PRPF6: variants seen among roughly 807,000 people sequenced by gnomAD.
PRPF6 encodes pre-mRNA-processing factor 6.
PRPF6 carries 42 observed loss-of-function variants against 118.3 expected under a neutral mutation model. The observed-to-expected ratio is 0.35, with a 90% CI of 0.28 to 0.46. The LOEUF is 0.46. Ranked by LOEUF, PRPF6 falls within the 20% of genes least tolerant of loss-of-function variation. PRPF6 has a pLI of 1.00. For missense variants in PRPF6, 662 were observed against 1,255.7 expected, an observed-to-expected ratio of 0.53 and a Z score of 7.15; for synonymous variants, 481 against 485.1, an observed-to-expected ratio of 0.99 and a Z score of 0.11.
chr20:64,024,999 C>A (rs947306874), intron 14 of PRPF6, among the ~76,000 whole-genome samples: 1 of 152,140 alleles, frequency 6.6e-6, no homozygotes, highest in Non-Finnish European at 1.5e-5. Context: ...TGTATTCAGA[C>A]CGCCTCACTG....
chr20:64,021,734 C>CGT (rs1405060314), intron 12 of PRPF6, among the ~76,000 whole-genome samples: 3 of 64,020 alleles, frequency 4.7e-5, no homozygotes, highest in African/African-American at 6.4e-5. Context: ...CGTGTGTGTG[C>CGT]GTGTGTGTGT....
chr20:64,016,740 C>T lies in PRPF6; in HGVS notation c.1542C>T (p.Asp514=), dbSNP rs766538041. The T allele has an allele frequency of 1.9e-6, 3 of 1,613,908 alleles. No homozygotes were observed. Among genetic ancestry groups the T allele is most frequent in the Admixed American group, 3.3e-5 (2 of 59,978 alleles). The change falls in exon 12 of 21, where the codon GAC becomes GAT. Residue 514 remains aspartate (D), a synonymous_variant. Transcript: ENST00000266079. ...TCTTTCAGGATGCCGAGGAATGTGACAGGGCTGGGAGTGTGGCCACCTGCC... is the reference window on the plus strand; with the variant it reads ...TCTTTCAGGATGCCGAGGAATGTGATAGGGCTGGGAGTGTGGCCACCTGCC... ...EQWIQDAEEC[D]RAGSVATCQA...
intron 20 of PRPF6, 77 bp downstream of exon 20, chr20:64,032,121 A>G (rs549545620): frequency 6.2e-7 from 1 of 1,605,720 alleles, no homozygotes; most frequent in African/African-American, 1.3e-5. Flanking sequence ...TGGGGGCTCT[A>G]GGAGGTGGCC....
intron 1 of PRPF6, 152 bp downstream of exon 1, chr20:63,981,468 G>T: frequency 2.7e-6 from 2 of 741,574 alleles, no homozygotes; most frequent in Non-Finnish European, 4.4e-6. Flanking sequence ...GGGCTTTGGG[G>T]TCAGGACATA....
intron 9 of PRPF6, among the ~76,000 whole-genome samples, chr20:64,007,761 T>G (rs2059197358): frequency 6.6e-6 from 1 of 151,816 alleles, no homozygotes; most frequent in Middle Eastern, 3.2e-3. Context: ...ACCACCACAA[T>G]CAGCTGCCTG....
chr20:64,013,645 G>T (rs1443346274), intron 11 of PRPF6, among the ~76,000 whole-genome samples: 1 of 151,760 alleles, frequency 6.6e-6, no homozygotes, highest in African/African-American at 2.4e-5. Flanking sequence ...TTGTTATGCT[G>T]CCCAGGCTGG....
chr20:64,029,227 T>G lies in PRPF6; in HGVS notation c.2432-150T>G. 3 of 726,962 alleles carry G rather than the reference T, an allele frequency of 4.1e-6. No homozygotes were observed. Among genetic ancestry groups the G allele is most frequent in the Non-Finnish European group, 7.4e-6 (3 of 407,806 alleles). 45.0% of individuals were successfully genotyped at this position (726,962 alleles called of 1,614,324 possible). ...TGGGTGGGCCAGAGTGCTCATCCTT[T>G]GTGGTTCTCCTTGCACAAGTTCTGC... On this transcript the variant is annotated intron_variant, in intron 18 of 20. Transcript: ENST00000266079. This position sits in a 1 kb window ranked among gnomAD's most constrained non-coding sequence, Gnocchi z 4.8.
intron 9 of PRPF6, among the ~76,000 whole-genome samples, chr20:64,007,849 C>A (rs2059197711): frequency 6.6e-6 from 1 of 152,130 alleles, no homozygotes. Context: ...ACAGTCTCAG[C>A]TTATTGCACC....
At position 64,029,468 on chromosome 20, in the gene PRPF6, C is replaced by A. The variant is rs1231167506; in HGVS notation, c.2523C>A (p.Pro841=). 1.2e-6 allele frequency: 2 copies of A among 1,614,048 alleles called. No homozygotes were observed. Among genetic ancestry groups the A allele is most frequent in the Non-Finnish European group, 1.7e-6 (2 of 1,180,038 alleles). ...VDALKKCEHD[P]HVLLAVAKLF... ...CCCTGAAGAAGTGTGAGCATGACCC[C>A]CATGTGCTCCTGGCCGTGGCCAAGT... Residue 841 remains proline (P), a synonymous_variant, in exon 19 of 21, where the codon CCC becomes CCA. Coordinates refer to ENST00000266079, the MANE Select transcript of PRPF6 (RefSeq NM_012469.4). The surrounding 1 kb of genome is among the most constrained non-coding windows in gnomAD (Gnocchi z 4.8).
intron 2 of PRPF6, among the ~76,000 whole-genome samples, chr20:63,984,045 GA>G (rs1326019881): frequency 6.6e-6 from 1 of 152,152 alleles, no homozygotes; most frequent in Non-Finnish European, 1.5e-5. Flanking sequence ...GACATCTAAA[GA>G]AAAACTTCAG....
chr20:63,982,248 C>T (rs2059072773), intron 1 of PRPF6, among the ~76,000 whole-genome samples: 1 of 152,150 alleles, frequency 6.6e-6, no homozygotes. Context: ...TCTCAGCTCC[C>T]TGCAATCTCT....
At position 64,027,745 on chromosome 20, in the gene PRPF6, T is replaced by C; in HGVS notation, c.2339+9T>C. ...AAGAACCCTGGGCTGTGGTGAGTCC[T>C]GGAGGGGGCAGCCTGGCCTCTGGGC... On this transcript the variant is annotated intron_variant, in intron 17 of 20. Coordinates refer to ENST00000266079, the MANE Select transcript of PRPF6 (RefSeq NM_012469.4). The surrounding 1 kb of genome is among the most constrained non-coding windows in gnomAD (Gnocchi z 6.5). 1 of 1,613,670 alleles carries C rather than the reference T, an allele frequency of 6.2e-7. No individual in the cohort carries two copies.
intron 3 of PRPF6, among the ~76,000 whole-genome samples, chr20:63,989,571 C>T (rs1569211961): frequency 6.6e-6 from 1 of 151,866 alleles, no homozygotes; most frequent in Non-Finnish European, 1.5e-5. Flanking sequence ...CTTTCTGTTG[C>T]TTTTTTTTAT....
At chr20:64,000,216 C>T (rs1224026696) in intron 8 of PRPF6, among the ~76,000 whole-genome samples, 5 of 152,136 alleles carry the variant, frequency 3.3e-5, no homozygotes, top group African/African-American at 1.2e-4. Flanking sequence ...TGGCCAGTCA[C>T]GGTGGCTCAC....
chr20:64,026,799 CA>C lies in PRPF6; in HGVS notation c.2029-174del, dbSNP rs11475258. On this transcript the variant is annotated intron_variant, in intron 15 of 20. Coordinates refer to ENST00000266079, the MANE Select transcript of PRPF6 (RefSeq NM_012469.4). The surrounding 1 kb of genome is among the most constrained non-coding windows in gnomAD (Gnocchi z 4.4). ...TGGGTGACAGAGCGAGACTCTATCT[CA>C]AAAAAAAACAAAACAAAACAAAAAC... is the stretch of plus-strand genomic sequence containing the variant. Among the ~76,000 whole-genome samples, 36,322 of 150,690 alleles carry C rather than the reference CA, an allele frequency of 0.24. 5,193 individuals carry two copies. The highest frequency in any genetic ancestry group is 0.39 in the African/African-American group (16,112 of 41,100).
intron 12 of PRPF6, among the ~76,000 whole-genome samples, 169 bp from the exon 13 acceptor site, chr20:64,022,588 G>A (rs970329180): frequency 1.2e-4 from 18 of 152,252 alleles, no homozygotes; most frequent in African/African-American, 3.4e-4. Context: ...GATTACAGGC[G>A]TGAGCCACCG....
At chr20:63,996,004 C>T (rs1455849457) in intron 6 of PRPF6, among the ~76,000 whole-genome samples, 1 of 151,766 alleles carries the variant, frequency 6.6e-6, no homozygotes, top group Non-Finnish European at 1.5e-5. Flanking sequence ...GTGTTTTTTT[C>T]CTGCCTCTCA....
intron 6 of PRPF6, among the ~76,000 whole-genome samples, chr20:63,998,251 C>T (rs949100778): frequency 5.9e-5 from 9 of 151,684 alleles, no homozygotes; most frequent in Admixed American, 2.6e-4. Flanking sequence ...TGTGCCACCA[C>T]GCCTGGCTAA....
At chr20:63,999,461 G>C in intron 7 of PRPF6, 142 bp from the exon 8 acceptor site, 1 of 1,136,224 alleles carries the variant, frequency 8.8e-7, no homozygotes, top group Non-Finnish European at 1.3e-6. Context: ...TGCGCACTGA[G>C]GTTTTGAGTT....
Sources: allele counts gnomAD v4.1 joint callset (sites outside exome capture counted in the v4.1 genomes callset), GRCh38; gene constraint gnomAD v4.1.1; non-coding constraint Gnocchi (gnomAD v3.1); transcripts MANE v1.5; gene names NCBI Gene and HGNC (gene_info 2026-07-23, HGNC 2026-07-21).